CPXM2: variants seen among roughly 807,000 people sequenced by gnomAD.
CPXM2 encodes the protein carboxypeptidase X, M14 family member 2, also known as inactive carboxypeptidase-like protein X2.
Under a neutral mutation model 86.1 loss-of-function variants are expected in CPXM2, and 66 were observed. The ratio of observed to expected loss-of-function variants is 0.77; its 90% confidence interval spans 0.63 to 0.94. The LOEUF (loss-of-function observed/expected upper bound fraction) is 0.94, where lower values mean the gene tolerates loss of function less well. Among genes scored for constraint, CPXM2 ranks in the 40% least tolerant of loss-of-function variants. CPXM2 has a pLI of 0.00. For synonymous variants in CPXM2, 388 were observed against 400.2 expected, an observed-to-expected ratio of 0.97 and a Z score of 0.36; for missense variants, 948 against 1,026.3, an observed-to-expected ratio of 0.92 and a Z score of 1.04.
chr10:123,802,446 CTT>C (rs1433763403), intron 4 of CPXM2, among the ~76,000 whole-genome samples: 1 of 152,174 alleles, frequency 6.6e-6, no homozygotes, highest in Non-Finnish European at 1.5e-5. Flanking sequence ...CTAGTTTCGT[CTT>C]TGATAATTCT....
intron 13 of CPXM2, among the ~76,000 whole-genome samples, chr10:123,747,805 C>A (rs910749692): frequency 6.6e-6 from 1 of 151,680 alleles, no homozygotes; most frequent in African/African-American, 2.4e-5. Context: ...GCCTGTAATC[C>A]CAGCTACTCT....
At chr10:123,927,970 C>T (rs1291782541) in intron 2 of CPXM2, among the ~76,000 whole-genome samples, 2 of 152,208 alleles carry the variant, frequency 1.3e-5, no homozygotes, top group South Asian at 4.1e-4. Context: ...CCCCTGAGGA[C>T]TAACACACTC....
At chr10:123,850,798 G>A (rs1848583042) in intron 3 of CPXM2, among the ~76,000 whole-genome samples, 1 of 152,286 alleles carries the variant, frequency 6.6e-6, no homozygotes, top group African/African-American at 2.4e-5. Flanking sequence ...TTCTACCTGT[G>A]AAATTGTGGT....
intron 2 of CPXM2, among the ~76,000 whole-genome samples, chr10:123,910,291 G>A (rs1048078989): frequency 6.6e-6 from 1 of 152,166 alleles, no homozygotes; most frequent in African/African-American, 2.4e-5. Context: ...TCCCTCTGGA[G>A]TCTGGGAATC....
chr10:123,892,748 C>T (rs1350327266), upstream of CPXM2, among the ~76,000 whole-genome samples: 1 of 152,220 alleles, frequency 6.6e-6, no homozygotes, highest in African/African-American at 2.4e-5. Context: ...CTTCCGGGCT[C>T]ACTCAGGTAT....
At chr10:123,935,160 CACTCA>C (rs1337262469) in intron 2 of CPXM2, among the ~76,000 whole-genome samples, 12 of 152,166 alleles carry the variant, frequency 7.9e-5, no homozygotes, top group Non-Finnish European at 7.3e-5. Context: ...GCATGGAGCC[CACTCA>C]ATCCTGTTAA....
At position 123,768,565 on chromosome 10, in the gene CPXM2, G is replaced by A. The variant is rs1192865719; in HGVS notation, c.1260C>T (p.Pro420=). Reference sequence around the variant, plus strand: ...TCTCGTAGCCATCGGGGTTGAGGGAGGGGAGGACGTGAATCCGCGTCTCCT... The same window carrying A: ...TCTCGTAGCCATCGGGGTTGAGGGAAGGGAGGACGTGAATCCGCGTCTCCT... ...LVEETRIHVL[P]SLNPDGYEKA... Residue 420 remains proline, a synonymous_variant, in exon 9 of 14, where the codon CCC becomes CCT. Transcript: ENST00000241305. 6.2e-7 allele frequency: 1 copy of A among 1,613,912 alleles called. No homozygotes were observed. The highest frequency in any genetic ancestry group is 8.5e-7 in the Non-Finnish European group (1 of 1,179,884).
rs1847374848 is a variant in CPXM2 at position 123,798,138 on chromosome 10, C to T, written c.739-12G>A. The T allele has an allele frequency of 6.3e-7, 1 of 1,575,932 alleles. No homozygotes were observed. Among genetic ancestry groups the T allele is most frequent in the Non-Finnish European group, 8.6e-7 (1 of 1,162,270 alleles). On this transcript the variant is annotated splice_polypyrimidine_tract_variant and intron_variant, in intron 5 of 13. Coordinates refer to ENST00000241305, the MANE Select transcript of CPXM2 (RefSeq NM_198148.3). ...TTTCCCTCAAATATCTATTTATGCT[C>T]ATGGGAGAAAAGGAAAATCTTTTAG...
intron 2 of CPXM2, among the ~76,000 whole-genome samples, chr10:123,876,494 T>C (rs1282796135): frequency 6.6e-6 from 1 of 152,090 alleles, no homozygotes; most frequent in Non-Finnish European, 1.5e-5. Context: ...TTCCTGGAAG[T>C]GGGATTTGCA....
chr10:123,893,020 A>G (rs1945299413), upstream of CPXM2, among the ~76,000 whole-genome samples: 1 of 152,262 alleles, frequency 6.6e-6, no homozygotes, highest in Non-Finnish European at 1.5e-5. Flanking sequence ...GAGTGTGAAT[A>G]GATGGGCCCA....
chr10:123,750,274 C>T, intron 13 of CPXM2: 2 of 985,438 alleles, frequency 2.0e-6, no homozygotes, highest in Non-Finnish European at 2.4e-6. Context: ...TCACCCCATT[C>T]AGATAAGGGC....
chr10:123,873,391 CATGT>C (rs1376396473), intron 2 of CPXM2, among the ~76,000 whole-genome samples: 5 of 152,106 alleles, frequency 3.3e-5, no homozygotes, highest in Non-Finnish European at 5.9e-5. Flanking sequence ...AGAGATATAC[CATGT>C]TCATGGATTA....
upstream of CPXM2, among the ~76,000 whole-genome samples, chr10:123,940,997 C>T (rs1016078927): frequency 6.6e-6 from 1 of 150,470 alleles, no homozygotes; most frequent in African/African-American, 2.4e-5. Context: ...CAGTGAAAGC[C>T]CGTCTCTACT....
intron 4 of CPXM2, among the ~76,000 whole-genome samples, chr10:123,803,848 A>T (rs1191994405): frequency 6.6e-6 from 1 of 151,940 alleles, no homozygotes; most frequent in Non-Finnish European, 1.5e-5. Context: ...TTTTTAGTAG[A>T]GAGGGGTTTC....
chr10:123,908,210 C>T (rs1041419383), intron 2 of CPXM2, among the ~76,000 whole-genome samples: 2 of 151,714 alleles, frequency 1.3e-5, no homozygotes, highest in African/African-American at 2.4e-5. Context: ...GTAGGACGTC[C>T]TGGAGTGGCC....
rs144549153 is a variant in CPXM2, at chr10:123,798,043, G to T, written c.822C>A (p.Asn274Lys). The T allele has an allele frequency of 1.1e-5, 18 of 1,612,274 alleles. 1 individual carries two copies. The South Asian group carries it at 1.5e-4, about 14-fold the overall frequency. The change falls in exon 6 of 14, where the codon AAC becomes AAA. Residue 274 changes from asparagine (N) to lysine (K), a missense_variant. Physicochemically the swap from Asn to Lys is moderately conservative, Grantham distance 94 (BLOSUM62 0). Transcript: ENST00000241305. ...TCCCATTATCAAACCAGGACTGAGG[G>T]TTTATGCGGATGTAGCGGGCCACCA... ...VPMVARYIRI[N>K]PQSWFDNGSI...
At chr10:123,851,396 C>T (rs1450381892) in intron 3 of CPXM2, among the ~76,000 whole-genome samples, 3 of 152,212 alleles carry the variant, frequency 2.0e-5, no homozygotes, top group Admixed American at 6.5e-5. Context: ...TACAGAACCA[C>T]AGTATTGAAT....
chr10:123,777,368 C>T (rs1416936718), intron 7 of CPXM2: 1 of 152,386 alleles, frequency 6.6e-6, no homozygotes, highest in Non-Finnish European at 1.5e-5. Context: ...CTCAAAATCA[C>T]TTCTTCCTTT....
At chr10:123,938,003 C>A (rs145017688) in intron 2 of CPXM2, among the ~76,000 whole-genome samples, 82 of 152,288 alleles carry the variant, frequency 5.4e-4, no homozygotes, top group African/African-American at 1.9e-3. Context: ...TTGTTCCTAA[C>A]TCAGAGGCAT....
Sources: gnomAD v4.1 joint callset for allele counts (sites outside exome capture counted in the v4.1 genomes callset) on GRCh38, gnomAD v4.1.1 for gene constraint, MANE v1.5 for transcripts, NCBI Gene and HGNC (gene_info 2026-07-23, HGNC 2026-07-21) for gene names.